Variants in LRRC4C observed in about 807,000 individuals in gnomAD.
The protein encoded by LRRC4C is leucine-rich repeat-containing protein 4C.
LRRC4C carries 5 observed loss-of-function variants against 33.6 expected under a neutral mutation model. The ratio of observed to expected loss-of-function variants is 0.15; its 90% CI spans 0.08 to 0.31. The LOEUF (loss-of-function observed/expected upper bound fraction) is 0.31, where lower values mean the gene tolerates loss of function less well. Among genes scored for constraint, LRRC4C ranks in the 10% least tolerant of loss-of-function variants. LRRC4C has a pLI of 1.00. For missense variants in LRRC4C, 560 were observed against 796.7 expected (o/e 0.70, Z 3.58); for synonymous variants, 329 against 302.0 (o/e 1.09, Z -0.93).
At chr11:40,461,182 T>C (rs1414227734) in intron 3 of LRRC4C, among the ~76,000 whole-genome samples, 1 of 152,172 alleles carries the variant, frequency 6.6e-6, no homozygotes, top group Non-Finnish European at 1.5e-5. Context: ...GAGTACATTA[T>C]TATTAGTGGC....
At chr11:40,219,483 C>T (rs968186606) in intron 5 of LRRC4C, among the ~76,000 whole-genome samples, 4 of 152,206 alleles carry the variant, frequency 2.6e-5, no homozygotes. Context: ...CAATCCTTGG[C>T]CCGTATGAGA....
chr11:41,228,280 G>T (rs867683113), intron 1 of LRRC4C, among the ~76,000 whole-genome samples: 10 of 152,026 alleles, frequency 6.6e-5, no homozygotes, highest in Admixed American at 4.6e-4. Context: ...CAATGATAGA[G>T]AGAGAGAGAG....
chr11:40,931,805 T>C (rs1206604011), intron 2 of LRRC4C, among the ~76,000 whole-genome samples: 1 of 152,136 alleles, frequency 6.6e-6, no homozygotes, highest in Non-Finnish European at 1.5e-5. Context: ...GATTTTGAAA[T>C]GGTTTGTAGC....
At chr11:40,240,573 T>G (rs376872595) in intron 5 of LRRC4C, among the ~76,000 whole-genome samples, 5 of 152,164 alleles carry the variant, frequency 3.3e-5, no homozygotes, top group African/African-American at 1.2e-4. Context: ...GATGAAAGCT[T>G]TTTTAGTGGC....
intron 1 of LRRC4C, among the ~76,000 whole-genome samples, chr11:41,397,868 A>G (rs1391038466): frequency 6.6e-6 from 1 of 151,844 alleles, no homozygotes; most frequent in East Asian, 1.9e-4. Context: ...ATAGAAAATT[A>G]TTATTATATA....
chr11:40,311,672 C>T (rs1254393402), intron 4 of LRRC4C, among the ~76,000 whole-genome samples: 2 of 152,148 alleles, frequency 1.3e-5, no homozygotes, highest in African/African-American at 4.8e-5. Context: ...TCTGACCGGG[C>T]ACGGTGGCTC....
intron 1 of LRRC4C, among the ~76,000 whole-genome samples, chr11:41,110,964 G>T (rs1365420985): frequency 1.3e-5 from 2 of 151,214 alleles, no homozygotes; most frequent in South Asian, 4.1e-4. Flanking sequence ...ATATGTCTGA[G>T]TTGTAACCCA....
intron 1 of LRRC4C, among the ~76,000 whole-genome samples, chr11:41,220,680 A>G (rs1947269203): frequency 6.6e-6 from 1 of 152,140 alleles, no homozygotes; most frequent in African/African-American, 2.4e-5. Context: ...AAAGATGATC[A>G]CTTTTCCCAT....
intron 5 of LRRC4C, among the ~76,000 whole-genome samples, chr11:40,210,754 A>G (rs1269169659): frequency 6.6e-6 from 1 of 152,058 alleles, no homozygotes; most frequent in Admixed American, 6.6e-5. Context: ...GTCTACCTTA[A>G]CCATTTTGTA....
At chr11:40,666,231 A>G (rs74890248) in intron 2 of LRRC4C, among the ~76,000 whole-genome samples, 1,899 of 152,256 alleles carry the variant, frequency 0.012, 45 homozygotes, top group African/African-American at 0.044. Context: ...CAAGTTAACA[A>G]ATGTATCTCT....
intron 1 of LRRC4C, among the ~76,000 whole-genome samples, chr11:41,168,212 C>A (rs1027868943): frequency 6.6e-6 from 1 of 152,168 alleles, no homozygotes; most frequent in African/African-American, 2.4e-5. Flanking sequence ...GACCACCAGG[C>A]CAGCTGCTCT....
chr11:40,984,639 T>G (rs1852856095), intron 1 of LRRC4C, among the ~76,000 whole-genome samples: 2 of 152,242 alleles, frequency 1.3e-5, no homozygotes, highest in Admixed American at 1.3e-4. Context: ...GCAAAGAATT[T>G]ACATCTAAAT....
chr11:41,052,090 G>A (rs1462218), intron 1 of LRRC4C, among the ~76,000 whole-genome samples: 1,808 of 152,082 alleles, frequency 0.012, 37 homozygotes, highest in African/African-American at 0.04. Flanking sequence ...CACGTACCTG[G>A]GACAAAACAT....
intron 2 of LRRC4C, among the ~76,000 whole-genome samples, chr11:40,870,051 A>G (rs1954558122): frequency 6.6e-6 from 1 of 152,130 alleles, no homozygotes. Context: ...CAACACTATC[A>G]TGTACCAAGA....
chr11:41,252,032 A>C (rs1948654935), intron 1 of LRRC4C, among the ~76,000 whole-genome samples: 1 of 152,220 alleles, frequency 6.6e-6, no homozygotes, highest in African/African-American at 2.4e-5. Context: ...ACAGCAATAT[A>C]AAGAAATAAA....
At chr11:40,346,780 T>A (rs1446891512) in intron 3 of LRRC4C, among the ~76,000 whole-genome samples, 1 of 152,220 alleles carries the variant, frequency 6.6e-6, no homozygotes, top group Non-Finnish European at 1.5e-5. Context: ...GAGTACATTG[T>A]CAATGAGGAG....
chr11:40,954,565 TC>T (rs994681187), intron 1 of LRRC4C, among the ~76,000 whole-genome samples: 6 of 151,824 alleles, frequency 4.0e-5, no homozygotes, highest in Admixed American at 6.6e-5. Context: ...TAGCATAGCA[TC>T]CCTTTTTAAA....
At chr11:40,257,713 T>C (rs558911348) in intron 4 of LRRC4C, among the ~76,000 whole-genome samples, 36 of 152,274 alleles carry the variant, frequency 2.4e-4, no homozygotes, top group Admixed American at 5.9e-4. Flanking sequence ...GATAAACTCT[T>C]TTTACTTGGC....
intron 2 of LRRC4C, among the ~76,000 whole-genome samples, chr11:40,804,410 A>AAAT (rs1951163044): frequency 6.6e-6 from 1 of 152,202 alleles, no homozygotes; most frequent in Non-Finnish European, 1.5e-5. Context: ...CCTATGACCC[A>AAAT]AATATTCTTT....
Sources: gnomAD v4.1 joint callset for allele counts (sites outside exome capture counted in the v4.1 genomes callset) on GRCh38, gnomAD v4.1.1 for gene constraint, MANE v1.5 for transcripts, NCBI Gene and HGNC (gene_info 2026-07-23, HGNC 2026-07-21) for gene names.